ADGRL2: variants seen among roughly 807,000 people sequenced by gnomAD.
ADGRL2 encodes calcium-independent alpha-latrotoxin receptor 2.
ADGRL2 carries 44 observed loss-of-function variants against 157.4 expected under a neutral mutation model. The observed-to-expected ratio is 0.28, with a 90% CI of 0.22 to 0.36. The LOEUF (loss-of-function observed/expected upper bound fraction) is 0.36. Among genes scored for constraint, ADGRL2 ranks in the 10% least tolerant of loss-of-function variants. The pLI, the probability that ADGRL2 is intolerant of heterozygous loss-of-function variation, is 1.00. For missense variants in ADGRL2, 1,510 were observed against 1,768.9 expected (o/e 0.85, Z 2.63); for synonymous variants, 585 against 624.7 (o/e 0.94, Z 0.95).
chr1:81,989,928 T>C (rs1183539977), intron 23 of ADGRL2: 1 of 985,332 alleles, frequency 1.0e-6, no homozygotes, highest in East Asian at 1.1e-4. Context: ...TACATTTGCC[T>C]TTCAGTTTTG....
chr1:81,566,200 C>T (rs941729859), intron 2 of ADGRL2, among the ~76,000 whole-genome samples: 1 of 152,110 alleles, frequency 6.6e-6, no homozygotes, highest in Non-Finnish European at 1.5e-5. Context: ...TATATTCAAA[C>T]ATGTATTGGT....
intron 3 of ADGRL2, among the ~76,000 whole-genome samples, chr1:81,618,548 T>C (rs1230345821): frequency 6.6e-6 from 1 of 152,204 alleles, no homozygotes; most frequent in African/African-American, 2.4e-5. Flanking sequence ...AAGAACAAAA[T>C]AGCTCTTTTT....
At chr1:81,496,983 C>A (rs2078744213) in intron 2 of ADGRL2, among the ~76,000 whole-genome samples, 2 of 152,084 alleles carry the variant, frequency 1.3e-5, no homozygotes, top group Admixed American at 6.6e-5. Flanking sequence ...AAACCCTTTT[C>A]ATTTCCCTGA....
rs7527385 is a variant in ADGRL2 at position 81,358,502 on chromosome 1, A to G, written c.-302+51993A>G. Among the ~76,000 whole-genome samples the G allele has an allele frequency of 9.2e-3, 1,394 of 152,268 alleles. 25 individuals are homozygous for G. The highest frequency in any genetic ancestry group is 0.032 in the African/African-American group (1,325 of 41,552). ...CTGAATAATCCCAATTCAAAAACAG[A>G]TATGTGTGCAGTAGAGACCCCAATT... is the stretch of plus-strand genomic sequence containing the variant. On this transcript the variant is annotated intron_variant, in intron 1 of 24. Transcript: ENST00000370721.
chr1:81,688,704 T>A (rs1039598349), intron 3 of ADGRL2, among the ~76,000 whole-genome samples: 1 of 152,140 alleles, frequency 6.6e-6, no homozygotes, highest in Non-Finnish European at 1.5e-5. Context: ...TTGGATCCAT[T>A]GCTGGTGAAC....
chr1:81,649,649 G>T (rs1342816696), intron 3 of ADGRL2, among the ~76,000 whole-genome samples: 1 of 152,160 alleles, frequency 6.6e-6, no homozygotes, highest in Admixed American at 6.6e-5. Context: ...TTCTGGGTCT[G>T]GACTTTGTGC....
At chr1:81,407,883 G>A (rs540693015) in intron 1 of ADGRL2, among the ~76,000 whole-genome samples, 2 of 152,280 alleles carry the variant, frequency 1.3e-5, no homozygotes, top group Non-Finnish European at 2.9e-5. Context: ...TCAGAAAAAG[G>A]TAGAGTTGCC....
intron 2 of ADGRL2, among the ~76,000 whole-genome samples, chr1:81,468,803 GACAT>G: frequency 6.6e-6 from 1 of 152,108 alleles, no homozygotes; most frequent in Admixed American, 6.6e-5. Flanking sequence ...TTTTTCAATT[GACAT>G]ACAAAGTTCT....
chr1:81,798,030 A>T (rs1335805726), upstream of ADGRL2, among the ~76,000 whole-genome samples: 2 of 152,212 alleles, frequency 1.3e-5, no homozygotes, highest in Non-Finnish European at 2.9e-5. Flanking sequence ...TGATTTTGCC[A>T]TTACTTAAAT....
At chr1:81,594,823 C>A (rs939677748) in intron 3 of ADGRL2, among the ~76,000 whole-genome samples, 1 of 152,180 alleles carries the variant, frequency 6.6e-6, no homozygotes, top group Admixed American at 6.5e-5. Context: ...AAAAGTAAAT[C>A]ATTTTCAGTC....
chr1:81,316,643 C>T (rs1660126852), intron 1 of ADGRL2, among the ~76,000 whole-genome samples: 1 of 152,106 alleles, frequency 6.6e-6, no homozygotes, highest in Non-Finnish European at 1.5e-5. Context: ...ACTCCTATTT[C>T]TGACAGAAGG....
chr1:81,874,609 T>TTTGTC (rs762434531), intron 2 of ADGRL2, among the ~76,000 whole-genome samples: 4 of 147,452 alleles, frequency 2.7e-5, no homozygotes, highest in East Asian at 2.0e-4. Context: ...TCTTGTCTTG[T>TTTGTC]TTGTCTTGTC....
At chr1:81,503,492 T>C in intron 2 of ADGRL2, 1 of 1,609,218 alleles carries the variant, frequency 6.2e-7, no homozygotes, top group Non-Finnish European at 8.5e-7. Flanking sequence ...AGCTTTCCAC[T>C]TGCCACTCTC....
rs559592742 is a variant in ADGRL2 at position 81,727,855 on chromosome 1, A to C, written c.-143+28047A>C. ...CATCTAAAAAGTAAAACTCTTAGGT[A>C]AAAAGGTTATGGACTTTTTTTAACA... On this transcript the variant is annotated intron_variant, in intron 1 of 20. Transcript: ENST00000359929. Among the ~76,000 whole-genome samples, 3 of 152,136 alleles carry C rather than the reference A, an allele frequency of 2.0e-5. No homozygotes were observed. In the East Asian group the frequency reaches 5.8e-4, roughly 29 times the overall value.
intron 11 of ADGRL2, among the ~76,000 whole-genome samples, chr1:81,961,204 A>G (rs1196144748): frequency 6.6e-6 from 1 of 152,202 alleles, no homozygotes; most frequent in Non-Finnish European, 1.5e-5. Flanking sequence ...TAAGGCATAT[A>G]TTATTTCAAG....
chr1:81,544,277 C>A (rs1020374877), intron 2 of ADGRL2, among the ~76,000 whole-genome samples: 3 of 152,004 alleles, frequency 2.0e-5, no homozygotes, highest in Non-Finnish European at 4.4e-5. Flanking sequence ...CAGTGTCTAG[C>A]ATGTATTGGG....
chr1:81,668,352 G>A (rs1450777239), intron 3 of ADGRL2, among the ~76,000 whole-genome samples: 2 of 151,732 alleles, frequency 1.3e-5, no homozygotes, highest in African/African-American at 2.4e-5. Context: ...ATGAACCTGG[G>A]AGGCGGAAGT....
chr1:81,699,598 A>C (rs1242809351), upstream of ADGRL2: 1 of 152,204 alleles, frequency 6.6e-6, no homozygotes, highest in Non-Finnish European at 1.5e-5. Context: ...CTGGCAACAA[A>C]ATTCATGCCA....
At chr1:81,308,861 T>C (rs1018809217) in intron 1 of ADGRL2, among the ~76,000 whole-genome samples, 2 of 152,150 alleles carry the variant, frequency 1.3e-5, no homozygotes, top group Non-Finnish European at 2.9e-5. Flanking sequence ...AAACTTGCCA[T>C]TCCTCTAGTA....
Sources: allele counts gnomAD v4.1 joint callset (sites outside exome capture counted in the v4.1 genomes callset), GRCh38; gene constraint gnomAD v4.1.1; transcripts MANE v1.5; gene names NCBI Gene and HGNC (gene_info 2026-07-23, HGNC 2026-07-21).